IQCH: variants seen among roughly 807,000 people sequenced by gnomAD.
IQCH encodes IQ domain-containing protein H.
In IQCH, 98 loss-of-function variants were observed where a neutral mutation model predicts 117.0. That is an observed-to-expected ratio of 0.84 (90% CI 0.71 to 0.99). The LOEUF is 0.99. IQCH is among the 50% of genes least tolerant of loss of function. IQCH has a pLI of 0.00. For missense variants in IQCH, 1,102 were observed against 1,243.8 expected (o/e 0.89, Z 1.72); for synonymous variants, 412 against 448.2 (o/e 0.92, Z 1.02).
chr15:67,290,972 A>G (rs1966730877), intron 4 of IQCH, among the ~76,000 whole-genome samples: 1 of 152,130 alleles, frequency 6.6e-6, no homozygotes, highest in South Asian at 2.1e-4. Flanking sequence ...TAAACTTTCT[A>G]TAGTCCATAG....
chr15:67,350,420 T>C (rs1451832033), intron 6 of IQCH, among the ~76,000 whole-genome samples: 1 of 151,024 alleles, frequency 6.6e-6, no homozygotes, highest in African/African-American at 2.4e-5. Flanking sequence ...GGAATTGTTT[T>C]TGTTTTTTTG....
At position 67,466,304 on chromosome 15, in the gene IQCH, A is replaced by C. The variant is rs1167060256; in HGVS notation, c.2676+1007A>C. On this transcript the variant is annotated intron_variant, in intron 17 of 20. Coordinates refer to ENST00000335894, the MANE Select transcript of IQCH (RefSeq NM_001031715.3). The surrounding 1 kb of genome is among the most constrained non-coding windows in gnomAD (Gnocchi z 4.4). ...CAAGGGGACCAGATGCCCTTTGTGCAAGAGTGTATTGGGGACTCTCTGGCC... is the reference window on the plus strand; with the variant it reads ...CAAGGGGACCAGATGCCCTTTGTGCCAGAGTGTATTGGGGACTCTCTGGCC... Among the ~76,000 whole-genome samples, 2 of 152,202 alleles carry C rather than the reference A, an allele frequency of 1.3e-5. No homozygotes were observed. Among genetic ancestry groups the C allele is most frequent in the African/African-American group, 4.8e-5 (2 of 41,454 alleles).
rs1288144183 is a variant in IQCH, at chr15:67,372,206, C to T, written c.849C>T (p.Asp283=). The change falls in exon 9 of 21, where the codon GAC becomes GAT. Residue 283 remains aspartate (D), a synonymous_variant. Transcript: ENST00000335894. ...YDGVIDNTAP[D]FLAFKEHFSL... ...GTGTCATAGACAATACAGCCCCAGA[C>T]TTCTTAGCATTCAAGGAACATTTTA... The T allele has an allele frequency of 6.2e-7, 1 of 1,613,924 alleles. No individual in the cohort carries two copies. The highest frequency in any genetic ancestry group is 2.2e-5 in the East Asian group (1 of 44,872).
intron 18 of IQCH, among the ~76,000 whole-genome samples, chr15:67,478,214 G>A (rs941103484): frequency 4.6e-5 from 7 of 152,058 alleles, no homozygotes; most frequent in Non-Finnish European, 7.4e-5. Context: ...GTGAAACTCC[G>A]TCTCTACTGA....
At chr15:67,299,910 A>G (rs1269521328) in intron 4 of IQCH, among the ~76,000 whole-genome samples, 1 of 152,186 alleles carries the variant, frequency 6.6e-6, no homozygotes, top group Non-Finnish European at 1.5e-5. Context: ...AATGACTCCA[A>G]GGATTTTCAG....
rs577907456 is a variant in IQCH, at chr15:67,321,763, C to T, written c.388-15212C>T. 2.0e-5 allele frequency among the ~76,000 whole-genome samples: 3 copies of T among 152,298 alleles called. No individual in the cohort carries two copies. The South Asian group carries it at 6.2e-4, about 32-fold the overall frequency. ...ATTGAATCAACCAATCTCAGCTTTG[C>T]TTCCACTCACACTTGGAAACTTTTC... On this transcript the variant is annotated intron_variant, in intron 4 of 20. Coordinates refer to ENST00000335894, the MANE Select transcript of IQCH (RefSeq NM_001031715.3).
At chr15:67,320,978 C>T (rs894206371) in intron 4 of IQCH, among the ~76,000 whole-genome samples, 1 of 152,168 alleles carries the variant, frequency 6.6e-6, no homozygotes, top group Non-Finnish European at 1.5e-5. Flanking sequence ...CAATGTTTCC[C>T]AAACTTCCTC....
chr15:67,397,390 G>C (rs1161714250), intron 13 of IQCH, among the ~76,000 whole-genome samples: 1 of 152,198 alleles, frequency 6.6e-6, no homozygotes, highest in African/African-American at 2.4e-5. Context: ...AGATTTGAGA[G>C]ATGTCATTTG....
At chr15:67,299,919 A>T (rs982209517) in intron 4 of IQCH, among the ~76,000 whole-genome samples, 3 of 152,158 alleles carry the variant, frequency 2.0e-5, no homozygotes, top group African/African-American at 7.2e-5. Flanking sequence ...AAGGATTTTC[A>T]GCTGAATTTG....
chr15:67,366,793 TTC>T lies in IQCH; in HGVS notation c.754-5313_754-5312del, dbSNP rs1970347671. ...AATACTGGAACACTACTCTTTGGGGTTCTCTCCCCATGACCACCTTTACCATT... is the reference window on the plus strand; with the variant it reads ...AATACTGGAACACTACTCTTTGGGGTTCTCCCCATGACCACCTTTACCATT... On this transcript the variant is annotated intron_variant, in intron 8 of 20. Transcript: ENST00000335894. This position sits in a 1 kb window ranked among gnomAD's most constrained non-coding sequence, Gnocchi z 4.4. Among the ~76,000 whole-genome samples the T allele has an allele frequency of 6.6e-6, 1 of 152,188 alleles. No homozygotes were observed. Among genetic ancestry groups the T allele is most frequent in the Non-Finnish European group, 1.5e-5 (1 of 68,028 alleles).
At chr15:67,448,129 A>T (rs2082430116) in intron 16 of IQCH, among the ~76,000 whole-genome samples, 1 of 150,298 alleles carries the variant, frequency 6.7e-6, no homozygotes, top group African/African-American at 2.5e-5. Context: ...GACCATATAC[A>T]TTGTACAGGT....
At chr15:67,437,628 C>T (rs2082170146) in intron 16 of IQCH, among the ~76,000 whole-genome samples, 2 of 151,818 alleles carry the variant, frequency 1.3e-5, no homozygotes, top group Non-Finnish European at 2.9e-5. Flanking sequence ...AAGGTGAAGC[C>T]CAATGCAAGG....
chr15:67,429,879 A>G (rs567533718), intron 16 of IQCH, among the ~76,000 whole-genome samples: 1 of 152,346 alleles, frequency 6.6e-6, no homozygotes, highest in African/African-American at 2.4e-5. Flanking sequence ...TTCTAGACCT[A>G]AGGAGATGAG....
At chr15:67,338,460 T>C (rs1265747876) in intron 5 of IQCH, among the ~76,000 whole-genome samples, 1 of 152,078 alleles carries the variant, frequency 6.6e-6, no homozygotes, top group Non-Finnish European at 1.5e-5. Context: ...TTGTGCAAGA[T>C]ACTATGAATG....
intron 7 of IQCH, among the ~76,000 whole-genome samples, chr15:67,358,202 C>CTTTTTTTTTTTTTTTTTT (rs1555462676): frequency 1.7e-3 from 10 of 5,962 alleles, no homozygotes; most frequent in Admixed American, 4.7e-3. Flanking sequence ...GAGGCACTTT[C>CTTTTTTTTTTTTTTTTTT]TTTTCTTTTT....
At chr15:67,382,638 G>T (rs1970972742) in intron 10 of IQCH, among the ~76,000 whole-genome samples, 1 of 152,166 alleles carries the variant, frequency 6.6e-6, no homozygotes, top group Admixed American at 6.5e-5. Flanking sequence ...TCTCACAAGA[G>T]CTAATATGTA....
At position 67,494,293 on chromosome 15, in the gene IQCH, C is replaced by T. The variant is rs553622612; in HGVS notation, c.2897C>T (p.Thr966Ile). ...GAGGATCTCCAGGGGGTCCTCATGA[C>T]CTTTGCTCGCCATCTCTTCATCATC... The part of the protein sequence containing the change: ...IGEDLQGVLM[T>I]FARHLFIIHQ... Residue 966 changes from threonine to isoleucine, a missense_variant, in exon 20 of 21, where the codon ACC becomes ATC. Physicochemically the swap from Thr to Ile is moderately conservative, Grantham distance 89. Around this residue, in one of 2 missense-constraint regions of IQCH, gnomAD observed 650 missense variants for 794.3 expected, o/e 0.82. Coordinates refer to ENST00000335894, the MANE Select transcript of IQCH (RefSeq NM_001031715.3). The surrounding 1 kb of genome is among the most constrained non-coding windows in gnomAD (Gnocchi z 5.5). The T allele has an allele frequency of 1.6e-5, 26 of 1,612,998 alleles. No individual in the cohort carries two copies. In the East Asian group the frequency reaches 5.1e-4, roughly 32 times the overall value.
At chr15:67,335,488 C>G (rs1301532146) in intron 4 of IQCH, among the ~76,000 whole-genome samples, 2 of 152,222 alleles carry the variant, frequency 1.3e-5, no homozygotes, top group African/African-American at 4.8e-5. Context: ...AAGTGGAGAC[C>G]CTGCCGCTTT....
chr15:67,327,881 T>C (rs1968483665), intron 4 of IQCH, among the ~76,000 whole-genome samples: 1 of 152,190 alleles, frequency 6.6e-6, no homozygotes, highest in African/African-American at 2.4e-5. Flanking sequence ...AATTTCCTCA[T>C]TTCTATTATT....
Sources: gnomAD v4.1 joint callset for allele counts (sites outside exome capture counted in the v4.1 genomes callset) on GRCh38, gnomAD v4.1.1 for gene constraint, gnomAD v4.1.1 regional missense constraint, Gnocchi (gnomAD v3.1) non-coding constraint, MANE v1.5 for transcripts, NCBI Gene and HGNC (gene_info 2026-07-23, HGNC 2026-07-21) for gene names.